WDFY3: variants seen among roughly 807,000 people sequenced by gnomAD.
WDFY3 encodes the protein WD repeat and FYVE domain containing 3.
Under a neutral mutation model 409.6 loss-of-function variants are expected in WDFY3, and 66 were observed. That is an observed-to-expected ratio of 0.16 (90% confidence interval 0.13 to 0.20). The LOEUF (loss-of-function observed/expected upper bound fraction) is 0.20. Ranked by LOEUF, WDFY3 falls within the 10% of genes least tolerant of loss-of-function variation. The pLI is 1.00. For missense variants in WDFY3, 3,031 were observed against 4,298.1 expected, an observed-to-expected ratio of 0.71 and a Z score of 8.24; for synonymous variants, 1,521 against 1,537.1, an observed-to-expected ratio of 0.99 and a Z score of 0.25.
At chr4:84,774,766 C>T (rs185013659) in intron 29 of WDFY3, 54 bp downstream of exon 29, 35 of 1,537,640 alleles carry the variant, frequency 2.3e-5, no homozygotes, top group Non-Finnish European at 2.9e-5. Flanking sequence ...TCCATCTTAA[C>T]CTCATTGGTA....
At chr4:84,867,207 T>C (rs1223063769) in intron 3 of WDFY3, among the ~76,000 whole-genome samples, 1 of 152,222 alleles carries the variant, frequency 6.6e-6, no homozygotes, top group African/African-American at 2.4e-5. Context: ...AATTTTTATA[T>C]GCATTTTTAG....
intron 3 of WDFY3, among the ~76,000 whole-genome samples, chr4:84,887,078 C>A (rs1032190951): frequency 2.0e-5 from 3 of 152,096 alleles, no homozygotes; most frequent in Admixed American, 6.6e-5. Context: ...GAACATGTGG[C>A]ATTTACACCA....
chr4:84,795,560 G>A (rs181715408), intron 19 of WDFY3, among the ~76,000 whole-genome samples: 117 of 152,266 alleles, frequency 7.7e-4, no homozygotes, highest in African/African-American at 2.7e-3. Flanking sequence ...TCGGGAGTTC[G>A]AGACCAGCCT....
chr4:84,830,422 G>A (rs1418475527), intron 8 of WDFY3, among the ~76,000 whole-genome samples: 1 of 152,164 alleles, frequency 6.6e-6, no homozygotes, highest in African/African-American at 2.4e-5. Flanking sequence ...GCTAACATAA[G>A]TGTTCTAGCT....
chr4:84,859,993 C>G (rs1231081122), intron 4 of WDFY3, among the ~76,000 whole-genome samples: 1 of 152,234 alleles, frequency 6.6e-6, no homozygotes, highest in Non-Finnish European at 1.5e-5. Flanking sequence ...CTTACAGCAT[C>G]TCTTAAACAA....
intron 3 of WDFY3, among the ~76,000 whole-genome samples, chr4:84,891,706 C>T (rs1192686004): frequency 6.6e-6 from 1 of 152,070 alleles, no homozygotes; most frequent in Non-Finnish European, 1.5e-5. Context: ...GATTAGGGAA[C>T]CTGCATTAGA....
chr4:84,832,292 C>G lies in WDFY3; in HGVS notation c.577-687G>C, dbSNP rs559237489. ...ATATGTAGAAGTTTAAAAAGTTGAT[C>G]TCATGAAAGTAAAGAGTAGAGTTTT... On this transcript the variant is annotated intron_variant, in intron 7 of 67. Transcript: ENST00000295888. Among the ~76,000 whole-genome samples the G allele has an allele frequency of 2.0e-5, 3 of 152,092 alleles. No homozygotes were observed. The East Asian group carries it at 5.8e-4, about 29-fold the overall frequency.
At chr4:84,681,006 G>A (rs1241988744) in intron 64 of WDFY3, among the ~76,000 whole-genome samples, 3 of 152,144 alleles carry the variant, frequency 2.0e-5, no homozygotes, top group African/African-American at 4.8e-5. Context: ...TTGGACTAAT[G>A]TGAATGAAGT....
At chr4:84,858,134 T>A (rs925708346) in intron 4 of WDFY3, among the ~76,000 whole-genome samples, 1 of 152,144 alleles carries the variant, frequency 6.6e-6, no homozygotes, top group Non-Finnish European at 1.5e-5. Context: ...CAATAATAGA[T>A]ACAATAATAA....
chr4:84,682,503 TAAG>T, intron 63 of WDFY3, 33 bp from the exon 64 acceptor site: 3 of 1,574,728 alleles, frequency 1.9e-6, no homozygotes, highest in Non-Finnish European at 2.6e-6. Flanking sequence ...ATTAAAAAGT[TAAG>T]AAACAGATTA....
rs1243856114 is a variant in WDFY3 at position 84,774,945 on chromosome 4, G to T, written c.4629C>A (p.Phe1543Leu). 6.2e-7 allele frequency: 1 copy of T among 1,613,864 alleles called. No individual in the cohort carries two copies. The change falls in exon 29 of 68, where the codon TTC becomes TTA. Residue 1543 changes from phenylalanine to leucine, a missense_variant. Phe to Leu is a conservative substitution (Grantham distance 22). Coordinates refer to ENST00000295888, the MANE Select transcript of WDFY3 (RefSeq NM_014991.6). ...ASKNAKLMRE[F>L]QLIPKLLLTL... is the part of the protein sequence containing the mutation. Reference sequence around the variant, plus strand: ...TCAGGAGCAGCTTTGGGATTAACTGGAATTCTCTCATTAATTTGGCATTCT... The same window carrying T: ...TCAGGAGCAGCTTTGGGATTAACTGTAATTCTCTCATTAATTTGGCATTCT...
chr4:84,716,576 C>A (rs1339066269), intron 49 of WDFY3, among the ~76,000 whole-genome samples: 1 of 151,616 alleles, frequency 6.6e-6, no homozygotes, highest in Admixed American at 6.6e-5. Context: ...GCGGGCGGAT[C>A]ATGAGGTCAG....
intron 4 of WDFY3, among the ~76,000 whole-genome samples, chr4:84,857,088 G>GTC (rs1759859547): frequency 6.6e-6 from 1 of 152,030 alleles, no homozygotes; most frequent in Non-Finnish European, 1.5e-5. Flanking sequence ...CTTTTCATTA[G>GTC]TTAAGAGTTT....
At chr4:84,821,603 A>G in intron 10 of WDFY3, 52 bp from the exon 11 acceptor site, 1 of 1,417,540 alleles carries the variant, frequency 7.1e-7, no homozygotes, top group South Asian at 1.3e-5. Context: ...TATTTTAATG[A>G]TGGCAAACTA....
At position 84,694,772 on chromosome 4, in the gene WDFY3, T is replaced by G. The variant is rs576809305; in HGVS notation, c.8901+1198A>C. ...ATAGTGAGACTCTATCTCTATAAAA[T>G]AAAAATAAATAAAAATAAAAGTAAA... On this transcript the variant is annotated intron_variant, in intron 58 of 67. Coordinates refer to ENST00000295888, the MANE Select transcript of WDFY3 (RefSeq NM_014991.6). Among the ~76,000 whole-genome samples, 10 of 151,996 alleles carry G rather than the reference T, an allele frequency of 6.6e-5. No individual in the cohort carries two copies. In the East Asian group the frequency reaches 1.6e-3, roughly 24 times the overall value.
chr4:84,941,165 G>A (rs1300690323), intron 1 of WDFY3, among the ~76,000 whole-genome samples: 1 of 151,828 alleles, frequency 6.6e-6, no homozygotes, highest in African/African-American at 2.4e-5. Flanking sequence ...AAAATGGAAT[G>A]GAAGAAGTAA....
intron 5 of WDFY3, among the ~76,000 whole-genome samples, chr4:84,844,090 A>G (rs1242809952): frequency 6.6e-6 from 1 of 152,232 alleles, no homozygotes; most frequent in Non-Finnish European, 1.5e-5. Context: ...ATTTCATTAA[A>G]TAAGTAAAGA....
chr4:84,755,450 G>C (rs1257710014), intron 33 of WDFY3, 50 bp from the exon 34 acceptor site: 3 of 1,567,250 alleles, frequency 1.9e-6, no homozygotes, highest in Non-Finnish European at 2.6e-6. Context: ...TTTTTCAGTA[G>C]AGACCCTCAT....
At chr4:84,843,493 CAAGCA>C (rs956997390) in intron 5 of WDFY3, among the ~76,000 whole-genome samples, 3 of 152,136 alleles carry the variant, frequency 2.0e-5, no homozygotes, top group African/African-American at 7.2e-5. Context: ...CTCCTCAACT[CAAGCA>C]ATCCCTCCGC....
Sources: gnomAD v4.1 joint callset for allele counts (sites outside exome capture counted in the v4.1 genomes callset) on GRCh38, gnomAD v4.1.1 for gene constraint, MANE v1.5 for transcripts, NCBI Gene and HGNC (gene_info 2026-07-23, HGNC 2026-07-21) for gene names.